CACNA1C: variants seen among roughly 807,000 people sequenced by gnomAD.
The protein encoded by CACNA1C is voltage-dependent L-type calcium channel subunit alpha-1C.
Under a neutral mutation model 229.0 loss-of-function variants are expected in CACNA1C, and 30 were observed. That is an observed-to-expected ratio of 0.13 (90% CI 0.10 to 0.18). The LOEUF is 0.18. Ranked by LOEUF, CACNA1C falls within the 10% of genes least tolerant of loss-of-function variation. The pLI is 1.00. For synonymous variants in CACNA1C, 1,114 were observed against 1,132.5 expected, an observed-to-expected ratio of 0.98 and a Z score of 0.33; for missense variants, 1,658 against 2,845.0, an observed-to-expected ratio of 0.58 and a Z score of 9.49.
intron 38 of CACNA1C, chr12:2,672,255 A>G (rs2096601087): frequency 1.3e-5 from 2 of 152,374 alleles, no homozygotes; most frequent in Middle Eastern, 3.4e-3. Context: ...CTCTTGGAAC[A>G]TAAAAGGAAG....
chr12:2,141,861 C>T (rs1384384044), intron 3 of CACNA1C, among the ~76,000 whole-genome samples: 1 of 151,276 alleles, frequency 6.6e-6, no homozygotes, highest in African/African-American at 2.4e-5. Flanking sequence ...TCCTTTATGG[C>T]AGCTGGGGTG....
At chr12:2,119,982 C>A (rs1249967464) in intron 2 of CACNA1C, among the ~76,000 whole-genome samples, 1 of 152,248 alleles carries the variant, frequency 6.6e-6, no homozygotes, top group Non-Finnish European at 1.5e-5. Context: ...GGGTGCTTGG[C>A]GCAGGCCATG....
intron 3 of CACNA1C, among the ~76,000 whole-genome samples, chr12:2,399,142 G>C (rs1033520995): frequency 6.6e-6 from 1 of 152,184 alleles, no homozygotes; most frequent in African/African-American, 2.4e-5. Context: ...GGCAGGGCAA[G>C]TGCTCTTGGG....
At chr12:2,242,901 T>G (rs1259264533) in intron 3 of CACNA1C, among the ~76,000 whole-genome samples, 1 of 152,196 alleles carries the variant, frequency 6.6e-6, no homozygotes, top group Non-Finnish European at 1.5e-5. Context: ...CAGGGGCAAG[T>G]GTGGTTATTC....
At chr12:2,258,743 G>A (rs1458250257) in intron 3 of CACNA1C, among the ~76,000 whole-genome samples, 1 of 152,112 alleles carries the variant, frequency 6.6e-6, no homozygotes, top group African/African-American at 2.4e-5. Flanking sequence ...TAAGACGCCT[G>A]AATATTTTCT....
At chr12:2,326,510 C>T (rs1437814270) in intron 3 of CACNA1C, among the ~76,000 whole-genome samples, 2 of 152,184 alleles carry the variant, frequency 1.3e-5, no homozygotes, top group East Asian at 3.9e-4. Flanking sequence ...GGCTCCTTTC[C>T]CTGGTAAAAG....
intron 3 of CACNA1C, among the ~76,000 whole-genome samples, chr12:2,190,526 G>A (rs972701126): frequency 2.0e-5 from 3 of 152,152 alleles, no homozygotes; most frequent in Admixed American, 1.3e-4. Context: ...TATTCATTAC[G>A]CACTCAATGA....
At chr12:2,547,324 G>GTTT (rs2099883215) in intron 9 of CACNA1C, 1 of 640,750 alleles carries the variant, frequency 1.6e-6, no homozygotes, top group Non-Finnish European at 2.8e-6. Flanking sequence ...TATTTTCTGT[G>GTTT]ATAAAAATGG....
intron 3 of CACNA1C, among the ~76,000 whole-genome samples, chr12:2,155,949 T>A (rs1597523905): frequency 6.6e-6 from 1 of 152,208 alleles, no homozygotes; most frequent in East Asian, 1.9e-4. Flanking sequence ...ACTCTAATTT[T>A]TATTATTGTT....
Position 2,113,086 on chromosome 12 carries a change from C to G in CACNA1C, c.50-2138C>G, listed in dbSNP as rs576983542. Among the ~76,000 whole-genome samples, 4 of 152,286 alleles carry G rather than the reference C, an allele frequency of 2.6e-5. No individual in the cohort carries two copies. The South Asian group carries it at 6.2e-4, about 24-fold the overall frequency. ...CTTGGAGAAGGGGAGGCTCAGCCAGCCTTGCAGTACAGCCCTAATGGAGGT... is the reference window on the plus strand; with the variant it reads ...CTTGGAGAAGGGGAGGCTCAGCCAGGCTTGCAGTACAGCCCTAATGGAGGT... On this transcript the variant is annotated intron_variant, in intron 1 of 46. Transcript: ENST00000399655.
intron 1 of CACNA1C, among the ~76,000 whole-genome samples, chr12:2,106,378 C>T (rs1345182305): frequency 3.0e-5 from 2 of 66,018 alleles, no homozygotes; most frequent in African/African-American, 1.0e-4. Flanking sequence ...TGGGCGCCCA[C>T]CCCGGGGAGG....
chr12:2,372,739 C>T (rs183065941), intron 3 of CACNA1C, among the ~76,000 whole-genome samples: 84 of 152,364 alleles, frequency 5.5e-4, no homozygotes, highest in Middle Eastern at 6.8e-3. Context: ...AAGGCCCATC[C>T]ATCCGTTAGC....
intron 1 of CACNA1C, chr12:1,990,984 C>CAAAAAAAAAA (rs58516806): frequency 3.3e-6 from 1 of 298,628 alleles, no homozygotes. Flanking sequence ...ATAGAAAGGA[C>CAAAAAAAAAA]AAAAAAAAAA....
chr12:2,161,808 G>A (rs1278159022), intron 3 of CACNA1C, among the ~76,000 whole-genome samples: 4 of 152,200 alleles, frequency 2.6e-5, no homozygotes, highest in Non-Finnish European at 4.4e-5. Context: ...TTGCAAGCCC[G>A]TTTATATACC....
chr12:2,211,413 C>T (rs890467582), intron 3 of CACNA1C, among the ~76,000 whole-genome samples: 5 of 152,270 alleles, frequency 3.3e-5, no homozygotes, highest in African/African-American at 1.2e-4. Flanking sequence ...AGGAGTATGT[C>T]CGTGGACTCT....
Position 1,971,121 on chromosome 12 carries a change from T to A in CACNA1C, c.59T>A (p.Leu20Gln), listed in dbSNP as rs753529892. 6.0e-5 allele frequency: 77 copies of A among 1,289,432 alleles called. 1 individual carries two copies. The African/African-American group carries it at 1.1e-3, about 19-fold the overall frequency. 79.9% of individuals were successfully genotyped at this position (1,289,432 alleles called of 1,614,324 possible). A position where few individuals can be genotyped will look rare whatever the true frequency, so the allele number is the denominator to read the frequency against. ...GCATACCAGCCGCTTCCCAGCCACC[T>A]GTCTGCCAACACGGAGGTCAAGTTT... Residue 20 changes from leucine to glutamine, a missense_variant, in exon 1 of 47, where the codon CTG becomes CAG. Transcript: ENST00000682462. This position sits in a 1 kb window ranked among gnomAD's most constrained non-coding sequence, Gnocchi z 4.2.
chr12:2,279,162 T>A (rs889035670), intron 3 of CACNA1C, among the ~76,000 whole-genome samples: 5 of 152,198 alleles, frequency 3.3e-5, no homozygotes, highest in Admixed American at 1.3e-4. Context: ...GATATGTGCT[T>A]TGCAAATATT....
intron 2 of CACNA1C, among the ~76,000 whole-genome samples, chr12:2,116,712 C>T (rs558299563): frequency 2.0e-5 from 3 of 152,198 alleles, no homozygotes; most frequent in South Asian, 2.1e-4. Flanking sequence ...CCCACTTCCA[C>T]GAGTGATGAA....
intron 1 of CACNA1C, among the ~76,000 whole-genome samples, chr12:2,097,832 C>T (rs1448648743): frequency 2.0e-5 from 3 of 152,208 alleles, no homozygotes; most frequent in Admixed American, 2.0e-4. Context: ...GCACCTGGTT[C>T]AGCCCCTGCT....
Sources: allele counts gnomAD v4.1 joint callset (sites outside exome capture counted in the v4.1 genomes callset), GRCh38; gene constraint gnomAD v4.1.1; non-coding constraint Gnocchi (gnomAD v3.1); transcripts MANE v1.5; gene names NCBI Gene and HGNC (gene_info 2026-07-23, HGNC 2026-07-21).